Variants in DLG2 observed in about 807,000 individuals in gnomAD.
DLG2 encodes disks large homolog 2.
Under a neutral mutation model 132.5 loss-of-function variants are expected in DLG2, and 45 were observed. The ratio of observed to expected loss-of-function variants is 0.34; its 90% CI spans 0.27 to 0.44. The LOEUF (loss-of-function observed/expected upper bound fraction) is 0.44. DLG2 is among the 20% of genes least tolerant of loss of function. DLG2 has a pLI of 1.00. For synonymous variants in DLG2, 424 were observed against 419.6 expected, an observed-to-expected ratio of 1.01 and a Z score of -0.13; for missense variants, 1,045 against 1,196.9, an observed-to-expected ratio of 0.87 and a Z score of 1.87.
chr11:84,342,875 A>G (rs1600241283), intron 7 of DLG2, among the ~76,000 whole-genome samples: 1 of 152,170 alleles, frequency 6.6e-6, no homozygotes, highest in East Asian at 1.9e-4. Flanking sequence ...AAAAAGCTCA[A>G]TCAGGTAATC....
intron 18 of DLG2, among the ~76,000 whole-genome samples, chr11:83,740,697 T>C (rs1287885699): frequency 2.0e-5 from 3 of 152,214 alleles, no homozygotes; most frequent in Non-Finnish European, 2.9e-5. Context: ...TCTCTCCTGA[T>C]ACAAAGTAAA....
At chr11:83,983,717 C>G (rs963785344) in intron 11 of DLG2, among the ~76,000 whole-genome samples, 14 of 151,778 alleles carry the variant, frequency 9.2e-5, no homozygotes, top group Admixed American at 1.3e-4. Flanking sequence ...GCTTTGCCAC[C>G]CCATGGAACA....
intron 6 of DLG2, among the ~76,000 whole-genome samples, chr11:84,905,828 GC>G (rs1465862031): frequency 1.3e-5 from 2 of 152,088 alleles, no homozygotes; most frequent in Non-Finnish European, 2.9e-5. Context: ...CTGTTGAAAA[GC>G]CTGAGCCATT....
chr11:84,837,157 A>G (rs1391619202), intron 6 of DLG2, among the ~76,000 whole-genome samples: 1 of 151,852 alleles, frequency 6.6e-6, no homozygotes, highest in Non-Finnish European at 1.5e-5. Flanking sequence ...AGCTATATAC[A>G]TTTCAATCAA....
intron 10 of DLG2, among the ~76,000 whole-genome samples, chr11:84,074,819 C>T (rs1052385788): frequency 3.3e-5 from 5 of 152,138 alleles, no homozygotes; most frequent in East Asian, 1.9e-4. Context: ...TGAGCCACCG[C>T]GCCCGGCCCA....
rs551635852 is a variant in DLG2 at position 83,608,765 on chromosome 11, T to A, written c.1940+24446A>T. On this transcript the variant is annotated intron_variant, in intron 19 of 27. Coordinates refer to ENST00000376104, the MANE Select transcript of DLG2 (RefSeq NM_001142699.3). ...AGAGAGAGAGAAAGAGAGAGAGAGA[T>A]CCTTCAGATACTACAGCTGGTTCTA... Among the ~76,000 whole-genome samples, 137 of 149,454 alleles carry A rather than the reference T, an allele frequency of 9.2e-4. 1 individual carries two copies. The South Asian group carries it at 9.4e-3, about 10-fold the overall frequency.
intron 7 of DLG2, among the ~76,000 whole-genome samples, chr11:84,388,234 C>T (rs551149018): frequency 1.3e-4 from 20 of 152,108 alleles, no homozygotes; most frequent in Admixed American, 1.2e-3. Context: ...GGCGGATGGC[C>T]GTGTCATTAA....
chr11:85,278,375 G>A (rs1413407985), intron 4 of DLG2, among the ~76,000 whole-genome samples: 1 of 152,152 alleles, frequency 6.6e-6, no homozygotes, highest in Non-Finnish European at 1.5e-5. Flanking sequence ...AAGTGCCTGG[G>A]CAGATCACCT....
chr11:85,259,247 A>G (rs1217248554), intron 4 of DLG2, among the ~76,000 whole-genome samples: 1 of 152,004 alleles, frequency 6.6e-6, no homozygotes, highest in East Asian at 1.9e-4. Flanking sequence ...GAAAGTGTGT[A>G]ACACCACCCC....
chr11:85,397,967 G>A lies in DLG2; in HGVS notation c.41-112602C>T, dbSNP rs149640316. Among the ~76,000 whole-genome samples, 1,240 of 152,198 alleles carry A rather than the reference G, an allele frequency of 8.1e-3. 16 individuals are homozygous for A. The highest frequency in any genetic ancestry group is 0.028 in the African/African-American group (1,167 of 41,528). ...CAGAACTCTCCACCCCAAATCAACA[G>A]AATATACATTGTTCTCAGCACCACA... On this transcript the variant is annotated intron_variant, in intron 3 of 27. Coordinates refer to ENST00000376104, the MANE Select transcript of DLG2 (RefSeq NM_001142699.3).
chr11:84,628,107 CATAT>C (rs35268909), intron 6 of DLG2, among the ~76,000 whole-genome samples: 10,985 of 149,938 alleles, frequency 0.073, 481 homozygotes, highest in African/African-American at 0.1. Flanking sequence ...TATATACACA[CATAT>C]ATATATATAT....
chr11:84,805,542 T>C (rs533227398), intron 6 of DLG2, among the ~76,000 whole-genome samples: 1 of 152,286 alleles, frequency 6.6e-6, no homozygotes, highest in African/African-American at 2.4e-5. Flanking sequence ...CTTAGCACCA[T>C]CTCTTTGGTG....
At chr11:85,522,698 T>G (rs2074411271) in intron 3 of DLG2, among the ~76,000 whole-genome samples, 1 of 152,216 alleles carries the variant, frequency 6.6e-6, no homozygotes, top group Non-Finnish European at 1.5e-5. Context: ...ACTGTGGAAC[T>G]TTAAGGTTCA....
intron 4 of DLG2, among the ~76,000 whole-genome samples, chr11:85,281,790 A>C (rs2078242527): frequency 6.6e-6 from 1 of 152,052 alleles, no homozygotes; most frequent in South Asian, 2.1e-4. Flanking sequence ...ACTATAGAGA[A>C]CGGTATGGAG....
At chr11:85,462,490 T>C (rs938000221) in intron 3 of DLG2, among the ~76,000 whole-genome samples, 1 of 152,162 alleles carries the variant, frequency 6.6e-6, no homozygotes, top group Non-Finnish European at 1.5e-5. Flanking sequence ...GATGAGTTCA[T>C]GTCCTTTCTA....
At chr11:84,406,919 TGTCA>T (rs374272750) in intron 7 of DLG2, among the ~76,000 whole-genome samples, 36 of 152,298 alleles carry the variant, frequency 2.4e-4, no homozygotes, top group African/African-American at 8.7e-4. Flanking sequence ...AAAAGGAGAC[TGTCA>T]GTCAGTTTTC....
chr11:83,914,860 T>C (rs2154115170), intron 15 of DLG2, among the ~76,000 whole-genome samples: 1 of 152,244 alleles, frequency 6.6e-6, no homozygotes, highest in South Asian at 2.1e-4. Flanking sequence ...AGCCAAGATC[T>C]AATTGTAGAT....
intron 5 of DLG2, among the ~76,000 whole-genome samples, chr11:85,138,972 T>A (rs537414590): frequency 6.6e-4 from 100 of 152,230 alleles, no homozygotes; most frequent in African/African-American, 2.1e-3. Flanking sequence ...CTTGAATTTG[T>A]TGTTTCTTCT....
At chr11:83,701,629 G>A (rs967800040) in intron 18 of DLG2, among the ~76,000 whole-genome samples, 5 of 152,220 alleles carry the variant, frequency 3.3e-5, no homozygotes, top group Non-Finnish European at 4.4e-5. Flanking sequence ...CAGTTATACC[G>A]GGACATACAA....
Sources: allele counts gnomAD v4.1 joint callset (sites outside exome capture counted in the v4.1 genomes callset), GRCh38; gene constraint gnomAD v4.1.1; transcripts MANE v1.5; gene names NCBI Gene and HGNC (gene_info 2026-07-23, HGNC 2026-07-21).